The following FHOD1 variants were observed in gnomAD, a reference collection of about 807,000 sequenced individuals.
FHOD1 encodes formin homology 2 domain containing 1.
Under a neutral mutation model 111.6 loss-of-function variants are expected in FHOD1, and 89 were observed. That is an observed-to-expected ratio of 0.80 (90% CI 0.67 to 0.95). The LOEUF (loss-of-function observed/expected upper bound fraction) is 0.95. FHOD1 is among the 40% of genes least tolerant of loss of function. FHOD1 has a pLI of 0.00. For synonymous variants in FHOD1, 618 were observed against 639.0 expected, an observed-to-expected ratio of 0.97 and a Z score of 0.50; for missense variants, 1,446 against 1,554.2, an observed-to-expected ratio of 0.93 and a Z score of 1.17.
In FHOD1 at chr16:67,233,565, G is replaced by C. The variant is rs117032516; in HGVS notation, c.2046+92C>G. On this transcript the variant is annotated intron_variant, in intron 13 of 21. Coordinates refer to ENST00000258201, the MANE Select transcript of FHOD1 (RefSeq NM_013241.3). ...TTCTTTGCCTTGGTTTCCCCATGTG[G>C]GAAGTGAGTGACTAGCTCCAACAGG... 2.1e-3 allele frequency: 3,056 copies of C among 1,459,958 alleles called. 108 individuals carry two copies. In the East Asian group the frequency reaches 0.063, roughly 30 times the overall value. The allele number at this position is 1,459,958 out of a possible 1,614,324, so 90.4% of individuals were successfully genotyped here.
At position 67,238,266 on chromosome 16, in the gene FHOD1, C is replaced by T. The variant is rs368840605; in HGVS notation, c.483G>A (p.Gly161=). The part of the protein sequence containing the change: ...DLVPEFVHSE[G]LSCLIRVGAA... Reference sequence around the variant, plus strand: ...CACCCACACGGATCAGGCAGCTCAGCCCCTCTGAATGCACAAATTCAGGCA... The same window carrying T: ...CACCCACACGGATCAGGCAGCTCAGTCCCTCTGAATGCACAAATTCAGGCA... Residue 161 remains glycine (G), a synonymous_variant, in exon 5 of 22, where the codon GGG becomes GGA. Coordinates refer to ENST00000258201, the MANE Select transcript of FHOD1 (RefSeq NM_013241.3). This position sits in a 1 kb window ranked among gnomAD's most constrained non-coding sequence, Gnocchi z 4.2. 20 of 1,614,040 alleles carry T rather than the reference C, an allele frequency of 1.2e-5. No homozygotes were observed. Among genetic ancestry groups the T allele is most frequent in the Non-Finnish European group, 1.6e-5 (19 of 1,180,044 alleles).
rs779573491 is a variant in FHOD1, at chr16:67,238,340, T to C, written c.442-33A>G. On this transcript the variant is annotated intron_variant, in intron 4 of 21. Transcript: ENST00000258201. The surrounding 1 kb of genome is among the most constrained non-coding windows in gnomAD (Gnocchi z 4.2). ...CACCATGGGGGAGTTTAGGGAAGCT[T>C]GGGCTACACACTTACCCCCAGCCCA... 1.4e-5 allele frequency: 23 copies of C among 1,613,972 alleles called. No individual in the cohort carries two copies. The South Asian group carries it at 2.5e-4, about 18-fold the overall frequency.
rs201535041 is a variant in FHOD1, at chr16:67,234,156, T to G, written c.1547A>C (p.Lys516Thr). The change falls in exon 13 of 22, where the codon AAG (lysine) becomes ACG (threonine). Residue 516 changes from lysine (K) to threonine (T), a missense_variant. Physicochemically the swap from Lys to Thr is moderately conservative, Grantham distance 78 (BLOSUM62 -1). Coordinates refer to ENST00000258201, the MANE Select transcript of FHOD1 (RefSeq NM_013241.3). ...GGGGCTTGCTGGTATCAGTGGCTCC[T>G]TGGGCTCTGGTGCAAGGCTTCGCTG... Reference protein sequence around the residue: ...RAQRSLAPEPKEPLIPASPKA... With the variant: ...RAQRSLAPEPTEPLIPASPKA... 38 of 1,560,378 alleles carry G rather than the reference T, an allele frequency of 2.4e-5. No homozygotes were observed. Among genetic ancestry groups the G allele is most frequent in the Non-Finnish European group, 3.0e-5 (35 of 1,150,974 alleles).
Position 67,237,346 on chromosome 16 carries a change from C to A in FHOD1, c.886G>T (p.Asp296Tyr). 6.2e-7 allele frequency: 1 copy of A among 1,614,108 alleles called. No homozygotes were observed. Among genetic ancestry groups the A allele is most frequent in the Non-Finnish European group, 8.5e-7 (1 of 1,180,000 alleles). The change falls in exon 9 of 22, where the codon GAT (aspartate) becomes TAT (tyrosine). Residue 296 changes from aspartate to tyrosine, a missense_variant. Around this residue, in one of 3 missense-constraint regions of FHOD1, gnomAD observed 234 missense variants for 327.4 expected, o/e 0.71. Transcript: ENST00000258201. The surrounding 1 kb of genome is among the most constrained non-coding windows in gnomAD (Gnocchi z 5.6). ...TGCTGCTCCAGTGCATCCGTCACAT[C>A]GTAGAAGGAGTCCTGGTCCGGGAGC... ...AALPDQDSFY[D>Y]VTDALEQQGM...
intron 1 of FHOD1, among the ~76,000 whole-genome samples, chr16:67,240,735 G>A (rs866605526): frequency 1.1e-4 from 16 of 152,194 alleles, no homozygotes; most frequent in East Asian, 7.7e-4. Context: ...CCTGTGAGTC[G>A]GAGGGTGGCA....
chr16:67,240,114 G>C (rs2034624541), intron 1 of FHOD1, among the ~76,000 whole-genome samples: 1 of 152,102 alleles, frequency 6.6e-6, no homozygotes, highest in Non-Finnish European at 1.5e-5. Flanking sequence ...GTGAAGACAG[G>C]GTCTGATCCA....
chr16:67,231,376 C>T lies in FHOD1; in HGVS notation c.2506-27G>A, dbSNP rs754321216. Reference sequence around the variant, plus strand: ...TGAAAGGACCCTTTCTGAGCCTGGGCCTGGTTGGCTCCAGAACCCTGACTC... The same window carrying T: ...TGAAAGGACCCTTTCTGAGCCTGGGTCTGGTTGGCTCCAGAACCCTGACTC... On this transcript the variant is annotated intron_variant, in intron 16 of 21. Coordinates refer to ENST00000258201, the MANE Select transcript of FHOD1 (RefSeq NM_013241.3). This position sits in a 1 kb window ranked among gnomAD's most constrained non-coding sequence, Gnocchi z 4.3. The T allele has an allele frequency of 1.7e-5, 27 of 1,613,958 alleles. No homozygotes were observed. The highest frequency in any genetic ancestry group is 2.1e-5 in the Non-Finnish European group (25 of 1,179,992).
intron 1 of FHOD1, among the ~76,000 whole-genome samples, chr16:67,241,848 G>T (rs1281699910): frequency 6.6e-6 from 1 of 152,214 alleles, no homozygotes; most frequent in African/African-American, 2.4e-5. Context: ...ACCCAGAAAG[G>T]TCAGGCCCAC....
intron 11 of FHOD1, chr16:67,236,001 G>C: frequency 2.1e-6 from 2 of 973,344 alleles, no homozygotes; most frequent in Non-Finnish European, 2.4e-6. Flanking sequence ...CTGGCAGGCC[G>C]GCCTCTGTAC....
rs767909484 is a variant in FHOD1 at position 67,236,725 on chromosome 16, C to T, written c.1151G>A (p.Gly384Asp). ...GGTGGGGCCTACCGGTGAGGCGGGG[C>T]CTGTGGGGCTGAAAGCAGGGGCTGT... Reference protein sequence around the residue: ...PARAPEPGPTGPASPVGPTSS... With the variant: ...PARAPEPGPTDPASPVGPTSS... The change falls in exon 11 of 22, where the codon GGC becomes GAC. Residue 384 changes from glycine (G) to aspartate (D), a missense_variant. This residue lies in a region of FHOD1 where 1,085 missense variants were observed against 1,108.8 expected (regional missense o/e 0.98). Coordinates refer to ENST00000258201, the MANE Select transcript of FHOD1 (RefSeq NM_013241.3). 48 of 1,536,116 alleles carry T rather than the reference C, an allele frequency of 3.1e-5. No individual in the cohort carries two copies. The highest frequency in any genetic ancestry group is 8.1e-5 in the Admixed American group (4 of 49,400).
chr16:67,239,208 A>G, intron 2 of FHOD1, 140 bp downstream of exon 2: 1 of 758,086 alleles, frequency 1.3e-6, no homozygotes, highest in Non-Finnish European at 2.3e-6. Context: ...CAGGCTTTAG[A>G]ATTCCCCTGG....
Position 67,237,263 on chromosome 16 carries a change from C to T in FHOD1, c.969G>A (p.Leu323=). The change falls in exon 9 of 22, where the codon CTG becomes CTA. Residue 323 remains leucine, a synonymous_variant. Transcript: ENST00000258201. The surrounding 1 kb of genome is among the most constrained non-coding windows in gnomAD (Gnocchi z 5.6). ...CCTCGTAGAGCACAAGCTGCGTGCG[C>T]AGGTCGACGTCAGTGCCCGCAGTGC... ...HLGTAGTDVD[L]RTQLVLYENA... is the part of the protein sequence containing the mutation. 1.9e-6 allele frequency: 3 copies of T among 1,613,868 alleles called. No homozygotes were observed. Among genetic ancestry groups the T allele is most frequent in the Non-Finnish European group, 2.5e-6 (3 of 1,179,960 alleles).
intron 1 of FHOD1, among the ~76,000 whole-genome samples, chr16:67,246,121 C>T (rs948333857): frequency 5.9e-5 from 9 of 152,256 alleles, no homozygotes; most frequent in South Asian, 2.1e-4. Context: ...CCACCCCTCC[C>T]GCCAGCGCTC....
In FHOD1 at chr16:67,231,628, C is replaced by T. The variant is rs367705156; in HGVS notation, c.2385+9G>A. ...CCCTACTGACTGTCCCACTCCAAGA[C>T]CCAGGTACCCGCTCCATGCTGTCAT... is the stretch of plus-strand genomic sequence containing the variant. On this transcript the variant is annotated intron_variant, in intron 15 of 21. Coordinates refer to ENST00000258201, the MANE Select transcript of FHOD1 (RefSeq NM_013241.3). This position sits in a 1 kb window ranked among gnomAD's most constrained non-coding sequence, Gnocchi z 4.3. 1.2e-4 allele frequency: 191 copies of T among 1,614,132 alleles called. 1 individual carries two copies. The East Asian group carries it at 2.4e-3, about 20-fold the overall frequency.
At chr16:67,240,928 T>C (rs918291510) in intron 1 of FHOD1, among the ~76,000 whole-genome samples, 1 of 152,220 alleles carries the variant, frequency 6.6e-6, no homozygotes, top group Non-Finnish European at 1.5e-5. Context: ...ACATTTGTCC[T>C]GCTGTTTGGT....
At position 67,229,886 on chromosome 16, in the gene FHOD1, T is replaced by A; in HGVS notation, c.3319A>T (p.Ile1107Phe). The A allele has an allele frequency of 6.2e-7, 1 of 1,614,182 alleles. No homozygotes were observed. Among genetic ancestry groups the A allele is most frequent in the Non-Finnish European group, 8.5e-7 (1 of 1,180,020 alleles). Residue 1107 changes from isoleucine (I) to phenylalanine (F), a missense_variant, in exon 21 of 22, where the codon ATC (isoleucine) becomes TTC (phenylalanine). By Grantham distance (21) the Ile-to-Phe change is conservative. This residue lies in a region of FHOD1 where 1,085 missense variants were observed against 1,108.8 expected (regional missense o/e 0.98). Coordinates refer to ENST00000258201, the MANE Select transcript of FHOD1 (RefSeq NM_013241.3). ...SSLPSDTSDE[I>F]MDLLVQSVTK... ...ACTGACTGCACCAGAAGGTCCATGA[T>A]CTCATCTGATGTATCACTGGGTAAA...
chr16:67,242,003 C>G (rs758173383), intron 1 of FHOD1, among the ~76,000 whole-genome samples: 34 of 151,970 alleles, frequency 2.2e-4, no homozygotes, highest in Non-Finnish European at 4.0e-4. Context: ...GAGTCTTGCT[C>G]TGTCTCCCAA....
At chr16:67,244,342 G>A (rs2034749953) in intron 1 of FHOD1, among the ~76,000 whole-genome samples, 1 of 152,080 alleles carries the variant, frequency 6.6e-6, no homozygotes, top group Non-Finnish European at 1.5e-5. Flanking sequence ...TGCAAGGCCA[G>A]AGGGACACAT....
chr16:67,230,251 C>A lies in FHOD1; in HGVS notation c.3052-23G>T, dbSNP rs188445865. ...TGTCTGGAGAAAGAAGAAGGGTGAG[C>A]TGGGAGGAGCGAAGGAAACCAAGGA... is the stretch of plus-strand genomic sequence containing the variant. On this transcript the variant is annotated intron_variant, in intron 19 of 21. Transcript: ENST00000258201. 1.6e-5 allele frequency: 26 copies of A among 1,613,528 alleles called. No individual in the cohort carries two copies. In the African/African-American group the frequency reaches 2.5e-4, roughly 16 times the overall value.
Sources: gnomAD v4.1 joint callset for allele counts (sites outside exome capture counted in the v4.1 genomes callset) on GRCh38, gnomAD v4.1.1 for gene constraint, gnomAD v4.1.1 regional missense constraint, Gnocchi (gnomAD v3.1) non-coding constraint, MANE v1.5 for transcripts, NCBI Gene and HGNC (gene_info 2026-07-23, HGNC 2026-07-21) for gene names.